SANBR: variants seen among roughly 807,000 people sequenced by gnomAD.
The protein encoded by SANBR is SANT and BTB domain regulator of CSR.
In SANBR, 77 loss-of-function variants were observed where a neutral mutation model predicts 101.8. That is an observed-to-expected ratio of 0.76 (90% CI 0.63 to 0.91). The LOEUF (loss-of-function observed/expected upper bound fraction) is 0.91, where lower values mean the gene tolerates loss of function less well. Ranked by LOEUF, SANBR falls within the 40% of genes least tolerant of loss-of-function variation. The probability of loss-of-function intolerance (pLI) is 0.00; values close to 1 mark genes in which losing one functional copy is unlikely to be tolerated. For synonymous variants in SANBR, 279 were observed against 274.7 expected, an observed-to-expected ratio of 1.02 and a Z score of -0.15; for missense variants, 875 against 853.0, an observed-to-expected ratio of 1.03 and a Z score of -0.32.
chr2:61,123,133 C>T lies in SANBR; in HGVS notation c.*971C>T. 2 of 978,992 alleles carry T rather than the reference C, an allele frequency of 2.0e-6. No individual in the cohort carries two copies. Among genetic ancestry groups the T allele is most frequent in the Non-Finnish European group, 2.4e-6 (2 of 824,018 alleles). 60.6% of individuals were successfully genotyped at this position (978,992 alleles called of 1,614,324 possible). ...TCATGTTTAAATTTTTCTAGCCAGGCAGAAAGAGTGCTCAGGGAAAATTTG... is the reference window on the plus strand; with the variant it reads ...TCATGTTTAAATTTTTCTAGCCAGGTAGAAAGAGTGCTCAGGGAAAATTTG... On this transcript the variant is annotated 3_prime_UTR_variant, in exon 22 of 22. Coordinates refer to ENST00000402291, the MANE Select transcript of SANBR (RefSeq NM_001129993.3).
chr2:61,112,137 A>G (rs1683859342), intron 16 of SANBR, among the ~76,000 whole-genome samples: 1 of 152,168 alleles, frequency 6.6e-6, no homozygotes, highest in Non-Finnish European at 1.5e-5. Context: ...TGTTTTGCAA[A>G]GTGGCCGTTT....
At chr2:61,076,572 G>T (rs1681791576) in intron 5 of SANBR, among the ~76,000 whole-genome samples, 1 of 149,698 alleles carries the variant, frequency 6.7e-6, no homozygotes, top group African/African-American at 2.4e-5. Context: ...AGCTTACAGT[G>T]AGCCGAGATC....
At chr2:61,134,319 A>G in intron 21 of SANBR, 2 of 1,509,598 alleles carry the variant, frequency 1.3e-6, no homozygotes, top group East Asian at 2.5e-5. Context: ...AGACCACATG[A>G]AAGACTTTTA....
At chr2:61,109,870 C>G (rs1683747620) in intron 16 of SANBR, among the ~76,000 whole-genome samples, 1 of 151,900 alleles carries the variant, frequency 6.6e-6, no homozygotes, top group South Asian at 2.1e-4. Context: ...TCAGGCTGGT[C>G]TTGAACTCCT....
At chr2:61,126,738 G>T (rs1485108614), downstream of SANBR, among the ~76,000 whole-genome samples, 1 of 147,110 alleles carries the variant, frequency 6.8e-6, no homozygotes, top group Admixed American at 7.1e-5. Context: ...GAAGGTGGAG[G>T]TTGCTGTGAC....
chr2:61,102,898 C>A (rs1683356434), intron 12 of SANBR, among the ~76,000 whole-genome samples: 1 of 151,950 alleles, frequency 6.6e-6, no homozygotes, highest in Admixed American at 6.6e-5. Context: ...TAACAGGAAT[C>A]CTCATATACT....
At chr2:61,113,558 T>C (rs904880766) in intron 16 of SANBR, among the ~76,000 whole-genome samples, 4 of 152,232 alleles carry the variant, frequency 2.6e-5, no homozygotes, top group African/African-American at 9.6e-5. Flanking sequence ...GTTAAATTTA[T>C]TCCTCCGTGT....
At chr2:61,128,043 T>TG (rs1684565739), downstream of SANBR, among the ~76,000 whole-genome samples, 1 of 150,178 alleles carries the variant, frequency 6.7e-6, no homozygotes, top group Non-Finnish European at 1.5e-5. Context: ...GAGGCTGAGG[T>TG]GGGCGGATCA....
At chr2:61,109,364 G>T in intron 16 of SANBR, 68 bp downstream of exon 16, 1 of 846,762 alleles carries the variant, frequency 1.2e-6, no homozygotes, top group Non-Finnish European at 1.8e-6. Context: ...AGCCTTTAAT[G>T]CAAGGGATGG....
chr2:61,083,349 C>T (rs775922277), intron 8 of SANBR, 35 bp downstream of exon 8: 20 of 1,197,624 alleles, frequency 1.7e-5, no homozygotes, highest in Admixed American at 4.4e-5. Context: ...ACCTAATACT[C>T]CTGTTAAAAG....
chr2:61,111,133 C>G (rs768309541), intron 16 of SANBR, among the ~76,000 whole-genome samples: 1 of 152,140 alleles, frequency 6.6e-6, no homozygotes, highest in Non-Finnish European at 1.5e-5. Flanking sequence ...GTGGCTCACA[C>G]CTGTAATCCC....
intron 16 of SANBR, among the ~76,000 whole-genome samples, chr2:61,111,083 C>T (rs1312714539): frequency 1.3e-5 from 2 of 152,036 alleles, no homozygotes; most frequent in Non-Finnish European, 2.9e-5. Context: ...GTTAAACAAC[C>T]CTCCAATGAC....
chr2:61,090,455 T>C (rs911445232), intron 10 of SANBR: 1 of 152,140 alleles, frequency 6.6e-6, no homozygotes, highest in African/African-American at 2.4e-5. Flanking sequence ...GCAGTTGATG[T>C]ATACCTTTTT....
chr2:61,119,795 A>C (rs1573668678), intron 20 of SANBR, among the ~76,000 whole-genome samples: 1 of 151,894 alleles, frequency 6.6e-6, no homozygotes. Flanking sequence ...CTATCTCTAC[A>C]AAAAAAAGTA....
intron 16 of SANBR, among the ~76,000 whole-genome samples, chr2:61,113,065 C>T (rs1489648346): frequency 1.3e-5 from 2 of 152,098 alleles, no homozygotes; most frequent in Non-Finnish European, 2.9e-5. Context: ...GTTCCAGCAC[C>T]GTTTATTGAA....
At position 61,102,535 on chromosome 2, in the gene SANBR, A is replaced by AT. The variant is rs112150380; in HGVS notation, c.1366-1304dup. Among the ~76,000 whole-genome samples the AT allele has an allele frequency of 1.6e-3, 238 of 145,714 alleles. 2 individuals are homozygous for AT. Among genetic ancestry groups the AT allele is most frequent in the East Asian group, 8.9e-3 (45 of 5,048 alleles). Reference sequence around the variant, plus strand: ...AATACATATTTACCACAATGACTAAATTTTTTTTTTTTTTGAGGTGGAGTC... The same window carrying AT: ...AATACATATTTACCACAATGACTAAATTTTTTTTTTTTTTTGAGGTGGAGTC... On this transcript the variant is annotated intron_variant, in intron 12 of 21. Coordinates refer to ENST00000402291, the MANE Select transcript of SANBR (RefSeq NM_001129993.3).
At chr2:61,088,802 A>T in intron 10 of SANBR, 1 of 944,052 alleles carries the variant, frequency 1.1e-6, no homozygotes, top group Non-Finnish European at 1.3e-6. Flanking sequence ...TATAGGTGTG[A>T]GCCACCGCTC....
intron 17 of SANBR, among the ~76,000 whole-genome samples, chr2:61,116,520 T>G (rs980103493): frequency 1.3e-5 from 2 of 152,120 alleles, no homozygotes; most frequent in Non-Finnish European, 2.9e-5. Flanking sequence ...ATAAATCATA[T>G]TTTATGATAT....
intron 14 of SANBR, among the ~76,000 whole-genome samples, chr2:61,107,250 G>A (rs1386190252): frequency 6.6e-6 from 1 of 151,672 alleles, no homozygotes; most frequent in Non-Finnish European, 1.5e-5. Flanking sequence ...AATGAAGATA[G>A]CATGAATGGA....
Sources: gnomAD v4.1 joint callset for allele counts (sites outside exome capture counted in the v4.1 genomes callset) on GRCh38, gnomAD v4.1.1 for gene constraint, MANE v1.5 for transcripts, NCBI Gene and HGNC (gene_info 2026-07-23, HGNC 2026-07-21) for gene names.